Variants in APBB1IP observed in about 807,000 individuals in gnomAD.
The protein encoded by APBB1IP is amyloid beta A4 precursor protein-binding family B member 1-interacting protein.
APBB1IP carries 27 observed loss-of-function variants against 64.9 expected under a neutral mutation model. The ratio of observed to expected loss-of-function variants is 0.42; its 90% confidence interval spans 0.31 to 0.57. The LOEUF (loss-of-function observed/expected upper bound fraction) is 0.57. Among genes scored for constraint, APBB1IP ranks in the 20% least tolerant of loss-of-function variants. The pLI, the probability that APBB1IP is intolerant of heterozygous loss-of-function variation, is 0.20. For missense variants in APBB1IP, 812 were observed against 845.5 expected (o/e 0.96, Z 0.49); for synonymous variants, 392 against 331.0 (o/e 1.18, Z -2.00).
chr10:26,515,051 T>G (rs1004428703), intron 8 of APBB1IP, among the ~76,000 whole-genome samples: 1 of 150,298 alleles, frequency 6.7e-6, no homozygotes, highest in South Asian at 2.1e-4. Flanking sequence ...TTTTTTTTTT[T>G]TTTTGTATTT....
At chr10:26,502,849 G>A (rs1836123714) in intron 5 of APBB1IP, among the ~76,000 whole-genome samples, 1 of 152,076 alleles carries the variant, frequency 6.6e-6, no homozygotes, top group Admixed American at 6.6e-5. Flanking sequence ...GGATTTTTCT[G>A]GTCTAAATAT....
intron 2 of APBB1IP, among the ~76,000 whole-genome samples, chr10:26,447,730 C>CT (rs772516564): frequency 2.4e-4 from 36 of 151,900 alleles, no homozygotes; most frequent in Non-Finnish European, 4.7e-4. Flanking sequence ...CATGACTTTT[C>CT]TTTTTTTTGA....
At chr10:26,458,328 C>T (rs1835551262) in intron 2 of APBB1IP, among the ~76,000 whole-genome samples, 1 of 151,788 alleles carries the variant, frequency 6.6e-6, no homozygotes, top group African/African-American at 2.4e-5. Context: ...GCGGAGGTTG[C>T]AGTGAGCCAA....
chr10:26,500,900 G>A lies in APBB1IP; in HGVS notation c.242G>A (p.Arg81Lys). 6.2e-7 allele frequency: 1 copy of A among 1,614,206 alleles called. No homozygotes were observed. The highest frequency in any genetic ancestry group is 8.5e-7 in the Non-Finnish European group (1 of 1,180,038). ...GCAGACATAAGTGAGGCTGAGCAGA[G>A]GACAATCCAGGCACAGAAAGAGTCC... ...LVADISEAEQ[R>K]TIQAQKESLQ... The change falls in exon 5 of 15, where the codon AGG (arginine) becomes AAG (lysine). Residue 81 changes from arginine (R) to lysine (K), a missense_variant. Transcript: ENST00000376236.
chr10:26,498,546 GA>G, intron 4 of APBB1IP, among the ~76,000 whole-genome samples: 1 of 152,136 alleles, frequency 6.6e-6, no homozygotes, highest in African/African-American at 2.4e-5. Context: ...GTAAAATTAT[GA>G]TGGCAATAGA....
At chr10:26,528,879 G>A (rs2132459558) in intron 8 of APBB1IP, among the ~76,000 whole-genome samples, 1 of 152,310 alleles carries the variant, frequency 6.6e-6, no homozygotes, top group Non-Finnish European at 1.5e-5. Flanking sequence ...GGAGGTTGCA[G>A]TGAACCATGA....
chr10:26,456,157 T>C (rs778595074), intron 2 of APBB1IP, among the ~76,000 whole-genome samples: 2 of 152,152 alleles, frequency 1.3e-5, no homozygotes, highest in Middle Eastern at 3.2e-3. Flanking sequence ...TAAAATTAGA[T>C]TGTGGTGATG....
intron 2 of APBB1IP, among the ~76,000 whole-genome samples, chr10:26,485,606 T>A (rs188290778): frequency 1.3e-5 from 2 of 152,362 alleles, no homozygotes. Context: ...CTAAGTATTT[T>A]TGGCTATTTT....
intron 8 of APBB1IP, among the ~76,000 whole-genome samples, chr10:26,516,072 TA>T: frequency 6.6e-6 from 1 of 152,254 alleles, no homozygotes. Flanking sequence ...GGAATCTGGC[TA>T]GGGGCAGTAA....
At position 26,503,208 on chromosome 10, in the gene APBB1IP, A is replaced by G; in HGVS notation, c.465A>G (p.Glu155=). 6.2e-7 allele frequency: 1 copy of G among 1,614,164 alleles called. No homozygotes were observed. The highest frequency in any genetic ancestry group is 1.7e-5 in the Admixed American group (1 of 60,018). Residue 155 remains glutamate (E), a synonymous_variant, in exon 6 of 15, where the codon GAA becomes GAG. Coordinates refer to ENST00000376236, the MANE Select transcript of APBB1IP (RefSeq NM_019043.4). ...PPEPLSQEEE[E]AQAKADKIKL... ...TTGCCCTTTTCCAGGAAGAGGAAGA[A>G]GCCCAAGCCAAGGCTGATAAAATTA...
chr10:26,474,628 T>TA (rs1835755332), intron 2 of APBB1IP, among the ~76,000 whole-genome samples: 1 of 152,348 alleles, frequency 6.6e-6, no homozygotes, highest in East Asian at 1.9e-4. Context: ...TCTGTTGGTT[T>TA]AAAAAATAAG....
intron 2 of APBB1IP, among the ~76,000 whole-genome samples, chr10:26,470,927 C>T (rs886370630): frequency 6.6e-6 from 1 of 152,102 alleles, no homozygotes; most frequent in African/African-American, 2.4e-5. Flanking sequence ...TGGGGTAGCT[C>T]CATGATTACT....
intron 3 of APBB1IP, among the ~76,000 whole-genome samples, chr10:26,494,446 T>C (rs1479898607): frequency 6.6e-6 from 1 of 152,230 alleles, no homozygotes; most frequent in African/African-American, 2.4e-5. Flanking sequence ...CCAATATTCC[T>C]AAATAAGATA....
chr10:26,524,150 C>T (rs964520130), intron 8 of APBB1IP, among the ~76,000 whole-genome samples: 1 of 152,072 alleles, frequency 6.6e-6, no homozygotes, highest in Non-Finnish European at 1.5e-5. Flanking sequence ...TCCCCTGAAG[C>T]AGATTATAGA....
At chr10:26,555,888 G>A (rs993822198) in intron 11 of APBB1IP, among the ~76,000 whole-genome samples, 5 of 152,082 alleles carry the variant, frequency 3.3e-5, no homozygotes, top group South Asian at 2.1e-4. Flanking sequence ...TGTGAGCCAC[G>A]GGGCCCTGCC....
chr10:26,494,833 CA>C (rs935976911), intron 3 of APBB1IP, among the ~76,000 whole-genome samples: 2 of 151,564 alleles, frequency 1.3e-5, no homozygotes, highest in African/African-American at 4.8e-5. Context: ...TCAATAAAAA[CA>C]AAAATAAAAA....
intron 2 of APBB1IP, among the ~76,000 whole-genome samples, chr10:26,479,849 G>A (rs1835815248): frequency 6.6e-6 from 1 of 152,198 alleles, no homozygotes; most frequent in Non-Finnish European, 1.5e-5. Context: ...ACTTTTGCTT[G>A]ACAGCTCTAG....
chr10:26,546,903 A>G (rs758456696), intron 11 of APBB1IP, among the ~76,000 whole-genome samples: 2 of 152,172 alleles, frequency 1.3e-5, no homozygotes, highest in Non-Finnish European at 2.9e-5. Context: ...TTTCCTTTGT[A>G]TATATACCCA....
intron 8 of APBB1IP, among the ~76,000 whole-genome samples, chr10:26,518,085 G>T (rs1836354725): frequency 1.3e-5 from 2 of 152,028 alleles, no homozygotes; most frequent in Admixed American, 6.6e-5. Flanking sequence ...CTCCTGCACA[G>T]CTGGGATCAC....
Sources: allele counts gnomAD v4.1 joint callset (sites outside exome capture counted in the v4.1 genomes callset), GRCh38; gene constraint gnomAD v4.1.1; transcripts MANE v1.5; gene names NCBI Gene and HGNC (gene_info 2026-07-23, HGNC 2026-07-21).